ATAD2B: variants seen among roughly 807,000 people sequenced by gnomAD.
ATAD2B encodes the protein ATPase family AAA domain-containing protein 2B.
Under a neutral mutation model 167.6 loss-of-function variants are expected in ATAD2B, and 40 were observed. The ratio of observed to expected loss-of-function variants is 0.24; its 90% confidence interval spans 0.19 to 0.31. The LOEUF (loss-of-function observed/expected upper bound fraction) is 0.31, where lower values mean the gene tolerates loss of function less well. Ranked by LOEUF, ATAD2B falls within the 10% of genes least tolerant of loss-of-function variation. The probability of loss-of-function intolerance (pLI) is 1.00; values close to 1 mark genes in which losing one functional copy is unlikely to be tolerated. For synonymous variants in ATAD2B, 579 were observed against 596.5 expected, an observed-to-expected ratio of 0.97 and a Z score of 0.43; for missense variants, 1,242 against 1,757.2, an observed-to-expected ratio of 0.71 and a Z score of 5.24.
At chr2:23,693,387 C>A in the ATAD2B span, 4 of 1,551,698 alleles carry the variant, frequency 2.6e-6, no homozygotes, top group Admixed American at 7.8e-5. Context: ...CCGAGGTGGC[C>A]GCCCAGGAGG....
the ATAD2B span, among the ~76,000 whole-genome samples, chr2:23,678,482 C>A: frequency 2.0e-5 from 3 of 152,136 alleles, no homozygotes; most frequent in Admixed American, 1.3e-4. Flanking sequence ...CATGAGAGAC[C>A]ACGTGGAGCA....
chr2:23,857,887 G>A (rs10182167), intron 12 of ATAD2B, among the ~76,000 whole-genome samples: 1,637 of 147,750 alleles, frequency 0.011, 28 homozygotes, highest in African/African-American at 0.039. Flanking sequence ...GACTACAGGC[G>A]CACACCACCA....
the ATAD2B span, among the ~76,000 whole-genome samples, chr2:23,686,194 C>A: frequency 6.6e-6 from 1 of 152,046 alleles, no homozygotes; most frequent in Admixed American, 6.5e-5. Context: ...CTGGGGCAGG[C>A]AAGCCCTGAC....
chr2:23,832,650 A>G (rs548875186), intron 14 of ATAD2B: 2 of 155,132 alleles, frequency 1.3e-5, no homozygotes, highest in Non-Finnish European at 2.9e-5. Flanking sequence ...GTGCTGTTCT[A>G]AACCTTGTTT....
chr2:23,787,959 T>G (rs947722983), intron 20 of ATAD2B, among the ~76,000 whole-genome samples: 4 of 152,078 alleles, frequency 2.6e-5, no homozygotes, highest in African/African-American at 9.7e-5. Context: ...CCAAAATTAT[T>G]GAGTCCAAAC....
chr2:23,788,605 T>C lies in ATAD2B; in HGVS notation c.2683A>G (p.Ile895Val), dbSNP rs1192174553. Reference sequence around the variant, plus strand: ...CTGTCTTCTTCAATAGGCCTTTGAATATACAAGACCTCTTCATACTGTATT... The same window carrying C: ...CTGTCTTCTTCAATAGGCCTTTGAACATACAAGACCTCTTCATACTGTATT... ...FRIQYEEVLY[I>V]QRPIEEDRRK... Residue 895 changes from isoleucine to valine, a missense_variant, in exon 20 of 28, where the codon ATT becomes GTT. This residue lies in a region of ATAD2B where 204 missense variants were observed against 324.0 expected (regional missense o/e 0.63). Coordinates refer to ENST00000238789, the MANE Select transcript of ATAD2B (RefSeq NM_017552.4). 5 of 1,603,752 alleles carry C rather than the reference T, an allele frequency of 3.1e-6. No homozygotes were observed. Among genetic ancestry groups the C allele is most frequent in the Non-Finnish European group, 4.3e-6 (5 of 1,170,908 alleles).
chr2:23,692,118 A>G, the ATAD2B span, among the ~76,000 whole-genome samples: 1,634 of 152,328 alleles, frequency 0.011, 14 homozygotes, highest in Middle Eastern at 0.031. Flanking sequence ...GGAGAGGCAT[A>G]CTGTGCCCCG....
At chr2:23,717,741 GA>G in the ATAD2B span, among the ~76,000 whole-genome samples, 1 of 152,096 alleles carries the variant, frequency 6.6e-6, no homozygotes, top group Non-Finnish European at 1.5e-5. Context: ...AAGCACTGCA[GA>G]AAGACATGGC....
At chr2:23,887,697 C>T in intron 4 of ATAD2B, 135 bp downstream of exon 4, 1 of 715,744 alleles carries the variant, frequency 1.4e-6, no homozygotes, top group South Asian at 2.6e-5. Flanking sequence ...AACTGACCCA[C>T]CACACCCAGC....
chr2:23,776,193 T>C lies in ATAD2B; in HGVS notation c.3133+6676A>G, dbSNP rs543593315. ...ATGACTCATACTAACATGTCCCAAA[T>C]TGAATTTGACATCCTGCCCATAAAT... On this transcript the variant is annotated intron_variant, in intron 22 of 27. Coordinates refer to ENST00000238789, the MANE Select transcript of ATAD2B (RefSeq NM_017552.4). 7.2e-5 allele frequency among the ~76,000 whole-genome samples: 11 copies of C among 152,348 alleles called. No individual in the cohort carries two copies. The South Asian group carries it at 2.1e-3, about 29-fold the overall frequency.
At chr2:23,701,737 A>G in the ATAD2B span, among the ~76,000 whole-genome samples, 4 of 148,070 alleles carry the variant, frequency 2.7e-5, no homozygotes, top group Non-Finnish European at 4.4e-5. Context: ...ACCTTCACCC[A>G]CTGCACTCTA....
chr2:23,910,817 G>A (rs566148553), intron 1 of ATAD2B, among the ~76,000 whole-genome samples: 24 of 151,968 alleles, frequency 1.6e-4, no homozygotes, highest in East Asian at 5.9e-4. Flanking sequence ...GCAGTGAGCC[G>A]GGGTCGCACC....
intron 1 of ATAD2B, among the ~76,000 whole-genome samples, chr2:23,904,813 A>T (rs908330987): frequency 2.6e-5 from 4 of 152,204 alleles, no homozygotes; most frequent in Non-Finnish European, 4.4e-5. Context: ...AAGAAAGCTT[A>T]GAAGTGCAGT....
intron 7 of ATAD2B, among the ~76,000 whole-genome samples, chr2:23,878,623 C>A (rs190045809): frequency 6.6e-6 from 1 of 152,246 alleles, no homozygotes; most frequent in African/African-American, 2.4e-5. Flanking sequence ...CATGCCACTG[C>A]ACTCCAGCCT....
intron 25 of ATAD2B, 59 bp from the exon 26 acceptor site, chr2:23,754,833 A>C (rs1675767087): frequency 1.3e-6 from 2 of 1,529,606 alleles, no homozygotes; most frequent in Non-Finnish European, 8.9e-7. Context: ...AACCAGTCTT[A>C]AGCAGTTATA....
intron 7 of ATAD2B, among the ~76,000 whole-genome samples, chr2:23,877,440 G>A (rs985411182): frequency 6.7e-6 from 1 of 149,110 alleles, no homozygotes; most frequent in Non-Finnish European, 1.5e-5. Flanking sequence ...GTTGCAGTGA[G>A]CTGAGATCAT....
chr2:23,736,255 T>A, the ATAD2B span, among the ~76,000 whole-genome samples: 1 of 152,240 alleles, frequency 6.6e-6, no homozygotes, highest in Non-Finnish European at 1.5e-5. Flanking sequence ...ATTTTCAGCA[T>A]TCTTCCCTTG....
intron 12 of ATAD2B, among the ~76,000 whole-genome samples, chr2:23,859,448 A>G (rs1212838956): frequency 6.6e-6 from 1 of 152,186 alleles, no homozygotes; most frequent in Admixed American, 6.5e-5. Context: ...AGCTAGGACT[A>G]CAGGTCCATG....
In ATAD2B at chr2:23,879,994, G is replaced by A. The variant is rs571887242; in HGVS notation, c.901+645C>T. On this transcript the variant is annotated intron_variant, in intron 7 of 27. Coordinates refer to ENST00000238789, the MANE Select transcript of ATAD2B (RefSeq NM_017552.4). ...AATTGCTTGAACCCAGGAGGCAGAGGCTGCAGTGCACTGAGATAATGCCAC... is the reference window on the plus strand; with the variant it reads ...AATTGCTTGAACCCAGGAGGCAGAGACTGCAGTGCACTGAGATAATGCCAC... Among the ~76,000 whole-genome samples the A allele has an allele frequency of 1.4e-3, 216 of 151,264 alleles. 1 individual carries two copies. Among genetic ancestry groups the A allele is most frequent in the African/African-American group, 4.8e-3 (198 of 41,182 alleles).
Sources: allele counts gnomAD v4.1 joint callset (sites outside exome capture counted in the v4.1 genomes callset), GRCh38; gene constraint gnomAD v4.1.1; regional missense constraint gnomAD v4.1.1; transcripts MANE v1.5; gene names NCBI Gene and HGNC (gene_info 2026-07-23, HGNC 2026-07-21).